The following SEZ6L2 variants were observed in gnomAD, a reference collection of about 807,000 sequenced individuals.
SEZ6L2 encodes seizure 6-like protein 2.
Under a neutral mutation model 97.0 loss-of-function variants are expected in SEZ6L2, and 44 were observed. The ratio of observed to expected loss-of-function variants is 0.45; its 90% confidence interval spans 0.36 to 0.58. SEZ6L2 has a LOEUF of 0.58. Ranked by LOEUF, SEZ6L2 falls within the 20% of genes least tolerant of loss-of-function variation. SEZ6L2 has a pLI of 0.00. For missense variants in SEZ6L2, 1,086 were observed against 1,233.3 expected, an observed-to-expected ratio of 0.88 and a Z score of 1.79; for synonymous variants, 543 against 546.1, an observed-to-expected ratio of 0.99 and a Z score of 0.08.
At chr16:29,897,244 C>A (rs1387609380) in intron 2 of SEZ6L2, 123 bp from the exon 3 acceptor site, 3 of 849,400 alleles carry the variant, frequency 3.5e-6, no homozygotes. Context: ...GCACAAGGTA[C>A]AGCACCCCCC....
chr16:29,873,446 C>T lies in SEZ6L2; in HGVS notation c.2297-15G>A, dbSNP rs1469182000. ...CTCGTACTTCACTGCGGGGAGCATG[C>T]CAGTCACGTGCCAGCTGCACTACTG... On this transcript the variant is annotated splice_polypyrimidine_tract_variant and intron_variant, in intron 13 of 17. Transcript: ENST00000617533. The surrounding 1 kb of genome is among the most constrained non-coding windows in gnomAD (Gnocchi z 4.3). The T allele has an allele frequency of 1.2e-6, 2 of 1,613,996 alleles. No homozygotes were observed. The highest frequency in any genetic ancestry group is 1.3e-5 in the African/African-American group (1 of 74,948).
rs1277538513 is a variant in SEZ6L2 at position 29,878,268 on chromosome 16, C to T, written c.1712+19G>A. 3 of 1,584,084 alleles carry T rather than the reference C, an allele frequency of 1.9e-6. No individual in the cohort carries two copies. The highest frequency in any genetic ancestry group is 2.6e-6 in the Non-Finnish European group (3 of 1,162,008). Reference sequence around the variant, plus strand: ...GCTGAGCCTACACCCGTCGCACCCTCTGCAGGACCCAAACATACATCTCAA... The same window carrying T: ...GCTGAGCCTACACCCGTCGCACCCTTTGCAGGACCCAAACATACATCTCAA... On this transcript the variant is annotated intron_variant, in intron 10 of 17. Transcript: ENST00000617533.
At chr16:29,888,422 TA>T in intron 6 of SEZ6L2, 117 bp downstream of exon 6, 1 of 1,080,140 alleles carries the variant, frequency 9.3e-7, no homozygotes, top group Non-Finnish European at 1.3e-6. Context: ...CTCCTCAGGG[TA>T]AACACCCCTT....
At chr16:29,893,786 C>T (rs751817039) in intron 5 of SEZ6L2, among the ~76,000 whole-genome samples, 3 of 152,180 alleles carry the variant, frequency 2.0e-5, no homozygotes, top group Non-Finnish European at 4.4e-5. Context: ...GGCCCATTTC[C>T]CCTTCACCCG....
chr16:29,881,657 C>T (rs1391050098), intron 8 of SEZ6L2, among the ~76,000 whole-genome samples: 7 of 87,974 alleles, frequency 8.0e-5, no homozygotes, highest in Admixed American at 1.7e-4. Context: ...GATGGAGTTT[C>T]GCTCTTGTTG....
intron 4 of SEZ6L2, 85 bp from the exon 5 acceptor site, chr16:29,895,545 G>A: frequency 3.3e-6 from 5 of 1,495,188 alleles, no homozygotes; most frequent in South Asian, 1.2e-5. Context: ...TTTGCCCTGT[G>A]TGTAGCAGCC....
intron 17 of SEZ6L2, 67 bp from the exon 18 acceptor site, chr16:29,871,795 G>A (rs1486480515): frequency 2.1e-6 from 3 of 1,454,034 alleles, no homozygotes; most frequent in East Asian, 2.4e-5. Context: ...CCGAATGGGA[G>A]GAGGGGCAAC....
intron 8 of SEZ6L2, 61 bp from the exon 9 acceptor site, chr16:29,880,125 G>A: frequency 6.6e-7 from 1 of 1,522,454 alleles, no homozygotes; most frequent in Admixed American, 1.9e-5. Flanking sequence ...ATCTTAAATT[G>A]GGGATGTGGG....
In SEZ6L2 at chr16:29,872,468, G is replaced by A; in HGVS notation, c.2586C>T (p.Ile862=). Residue 862 remains isoleucine (I), a synonymous_variant, in exon 16 of 18, where the codon ATC becomes ATT. Coordinates refer to ENST00000617533, the MANE Select transcript of SEZ6L2 (RefSeq NM_001243332.2). ...CAATGACCAAGCCTAGAGGCAGCAG[G>A]ATGGCCAGGGCCAGGTTCCCCCCTT... ...QLEGGNLALA[I]LLPLGLVIVL... 1 of 1,614,238 alleles carries A rather than the reference G, an allele frequency of 6.2e-7. No individual in the cohort carries two copies. The highest frequency in any genetic ancestry group is 8.5e-7 in the Non-Finnish European group (1 of 1,180,044).
chr16:29,887,963 C>T, intron 6 of SEZ6L2, 146 bp from the exon 7 acceptor site: 1 of 845,172 alleles, frequency 1.2e-6, no homozygotes, highest in Non-Finnish European at 1.8e-6. Flanking sequence ...GGAGTCACTC[C>T]AGAGGATGGG....
In SEZ6L2 at chr16:29,872,211, G is replaced by T. The variant is rs1439184537; in HGVS notation, c.2718C>A (p.Phe906Leu). Residue 906 changes from phenylalanine to leucine, a missense_variant, in exon 17 of 18, where the codon TTC (phenylalanine) becomes TTA (leucine). By Grantham distance (22) the Phe-to-Leu change is conservative. Transcript: ENST00000617533. ...SYSPITVESD[F>L]SNPLYEAGDT... ...CCCCAGCTTCATACAGCGGGTTGCTGAAGTCCGACTCCACGGTGATGGGGC... is the reference window on the plus strand; with the variant it reads ...CCCCAGCTTCATACAGCGGGTTGCTTAAGTCCGACTCCACGGTGATGGGGC... The T allele has an allele frequency of 3.1e-6, 5 of 1,609,868 alleles. No individual in the cohort carries two copies. In the Admixed American group the frequency reaches 5.1e-5, roughly 16 times the overall value.
Position 29,873,707 on chromosome 16 carries a change from G to T in SEZ6L2, c.2127C>A (p.Gly709=). The T allele has an allele frequency of 6.3e-7, 1 of 1,597,916 alleles. No individual in the cohort carries two copies. The highest frequency in any genetic ancestry group is 8.5e-7 in the Non-Finnish European group (1 of 1,174,392). The stretch of plus-strand genomic sequence containing the variant: ...CGGTGCGGTGCCCGTTGGCAATCTC[G>T]CCAGGGTCAGCACAAGTCATGACTG... ...CQKIMTCADP[G]EIANGHRTAS... The change falls in exon 13 of 18, where the codon GGC becomes GGA. Residue 709 remains glycine (G), a synonymous_variant. Coordinates refer to ENST00000617533, the MANE Select transcript of SEZ6L2 (RefSeq NM_001243332.2). The surrounding 1 kb of genome is among the most constrained non-coding windows in gnomAD (Gnocchi z 4.3).
At position 29,876,723 on chromosome 16, in the gene SEZ6L2, G is replaced by A. The variant is rs371851837; in HGVS notation, c.2104+33C>T. 5.2e-5 allele frequency: 79 copies of A among 1,506,456 alleles called. No homozygotes were observed. The South Asian group carries it at 8.8e-4, about 17-fold the overall frequency. The allele number at this position is 1,506,456 out of a possible 1,614,324, so 93.3% of individuals were successfully genotyped here. A position where few individuals can be genotyped will look rare whatever the true frequency, so the allele number is the denominator to read the frequency against. ...ACGACGGGGCCCACAGGGAAGGGGC[G>A]GGGCCGAGGGGACGCGGGCGGGGCC... On this transcript the variant is annotated intron_variant, in intron 12 of 17. Coordinates refer to ENST00000617533, the MANE Select transcript of SEZ6L2 (RefSeq NM_001243332.2). The surrounding 1 kb of genome is among the most constrained non-coding windows in gnomAD (Gnocchi z 6.5).
chr16:29,888,049 G>A (rs1409499976), intron 6 of SEZ6L2, among the ~76,000 whole-genome samples: 1 of 152,120 alleles, frequency 6.6e-6, no homozygotes, highest in Non-Finnish European at 1.5e-5. Flanking sequence ...CTCCTAGGAT[G>A]GAGACACCAC....
At position 29,899,140 on chromosome 16, in the gene SEZ6L2, G is replaced by A. The variant is rs1480499423; in HGVS notation, c.-121C>T. 2 of 740,988 alleles carry A rather than the reference G, an allele frequency of 2.7e-6. No homozygotes were observed. Among genetic ancestry groups the A allele is most frequent in the African/African-American group, 2.0e-5 (1 of 50,726 alleles). The allele number at this position is 740,988 out of a possible 1,614,324, so 45.9% of individuals were successfully genotyped here. ...TTTTTTTTTTTTTTTTTTCCTCGTA[G>A]GAGTCAGCAAAGAAAGACAATTTCT... On this transcript the variant is annotated 5_prime_UTR_variant, in exon 1 of 18. Transcript: ENST00000617533.
chr16:29,877,250 C>T, intron 11 of SEZ6L2, 21 bp downstream of exon 11: 6 of 1,532,158 alleles, frequency 3.9e-6, no homozygotes, highest in Non-Finnish European at 5.3e-6. Context: ...CTGCCCATCC[C>T]GGGACTCTAT....
In SEZ6L2 at chr16:29,895,416, C is replaced by T. The variant is rs779287939; in HGVS notation, c.696G>A (p.Leu232=). Residue 232 remains leucine, a synonymous_variant, in exon 5 of 18, where the codon CTG becomes CTA. Transcript: ENST00000617533. ...CCAGGCCTGGGGATCCCCCACCAGC[C>T]AGCACCAGGAGCTCCTCTTCCTGTG... ...NLSQEEELLV[L]AGGGSPGLAP... 6.2e-7 allele frequency: 1 copy of T among 1,614,126 alleles called. No individual in the cohort carries two copies. The highest frequency in any genetic ancestry group is 8.5e-7 in the Non-Finnish European group (1 of 1,180,026).
At chr16:29,878,234 C>A in intron 10 of SEZ6L2, 53 bp downstream of exon 10, 2 of 1,508,526 alleles carry the variant, frequency 1.3e-6, no homozygotes, top group South Asian at 1.3e-5. Context: ...CATTGGCATA[C>A]CACACTTTGC....
intron 10 of SEZ6L2, 102 bp from the exon 11 acceptor site, chr16:29,877,569 C>A: frequency 9.2e-7 from 1 of 1,082,462 alleles, no homozygotes; most frequent in Non-Finnish European, 1.3e-6. Flanking sequence ...CCCTCCTACT[C>A]TCCAGCCCCG....
Sources: gnomAD v4.1 joint callset for allele counts (sites outside exome capture counted in the v4.1 genomes callset) on GRCh38, gnomAD v4.1.1 for gene constraint, Gnocchi (gnomAD v3.1) non-coding constraint, MANE v1.5 for transcripts, NCBI Gene and HGNC (gene_info 2026-07-23, HGNC 2026-07-21) for gene names.